ZMYND19: variants seen among roughly 807,000 people sequenced by gnomAD.
The protein encoded by ZMYND19 is zinc finger MYND domain-containing protein 19.
A neutral mutation model predicts 32.0 loss-of-function variants in ZMYND19; 17 were observed. The ratio of observed to expected loss-of-function variants is 0.53; its 90% CI spans 0.36 to 0.80. The LOEUF (loss-of-function observed/expected upper bound fraction) is 0.80. ZMYND19 is among the 30% of genes least tolerant of loss of function. ZMYND19 has a pLI of 0.00. For missense variants in ZMYND19, 250 were observed against 293.6 expected, an observed-to-expected ratio of 0.85 and a Z score of 1.09; for synonymous variants, 124 against 113.6, an observed-to-expected ratio of 1.09 and a Z score of -0.58.
intron 1 of ZMYND19, chr9:137,589,602 G>T (rs1374694393): frequency 1.0e-6 from 1 of 985,346 alleles, no homozygotes; most frequent in East Asian, 1.1e-4. Context: ...GGCCAAGTAA[G>T]AAGAGAAGTC....
Position 137,583,384 on chromosome 9 carries a change from C to T in ZMYND19, c.360-221G>A, listed in dbSNP as rs76381778. Among the ~76,000 whole-genome samples the T allele has an allele frequency of 4.4e-3, 670 of 152,276 alleles. 8 individuals carry two copies. Among genetic ancestry groups the T allele is most frequent in the African/African-American group, 0.015 (626 of 41,556 alleles). ...CGTAAGCATGGCCTCATCTATCACCCTCTCCCCAGCACCTGGGACTGACAG... is the reference window on the plus strand; with the variant it reads ...CGTAAGCATGGCCTCATCTATCACCTTCTCCCCAGCACCTGGGACTGACAG... On this transcript the variant is annotated intron_variant, in intron 4 of 5. Transcript: ENST00000298585.
chr9:137,588,811 T>C, intron 1 of ZMYND19, 93 bp from the exon 2 acceptor site: 1 of 1,461,154 alleles, frequency 6.8e-7, no homozygotes, highest in Admixed American at 1.7e-5. Flanking sequence ...GCCTGTTGCA[T>C]TTTCCTGTGA....
chr9:137,584,290 G>A (rs963615449), intron 4 of ZMYND19, among the ~76,000 whole-genome samples: 1 of 152,248 alleles, frequency 6.6e-6, no homozygotes, highest in Non-Finnish European at 1.5e-5. Context: ...AGGGGGTTGT[G>A]TAAGGCAGCA....
At chr9:137,589,612 C>A in intron 1 of ZMYND19, 1 of 985,452 alleles carries the variant, frequency 1.0e-6, no homozygotes. Context: ...GAAGAGAAGT[C>A]GAGGAAGGCC....
intron 3 of ZMYND19, chr9:137,587,454 C>A: frequency 1.7e-6 from 1 of 594,848 alleles, no homozygotes. Flanking sequence ...CTCGGCAAAA[C>A]CCAGCAAGGG....
intron 2 of ZMYND19, among the ~76,000 whole-genome samples, chr9:137,588,428 C>G (rs1379532866): frequency 6.6e-6 from 1 of 150,490 alleles, no homozygotes; most frequent in East Asian, 1.9e-4. Context: ...GTGAGGAAGA[C>G]CACTGTCGCC....
rs760516989 is a variant in ZMYND19, at chr9:137,587,101, C to T, written c.225G>A (p.Arg75=). ...GRLLHELLWE[R]HRGGVAPGFQ... is the part of the protein sequence containing the mutation. ...AGCCCGGGGCCACGCCCCCCCGGTG[C>T]CGCTCCCTAGAAACAGACAGCAAAC... Residue 75 remains arginine (R), a synonymous_variant, in exon 4 of 6, where the codon CGG becomes CGA. Transcript: ENST00000298585. 1 of 1,604,678 alleles carries T rather than the reference C, an allele frequency of 6.2e-7. No homozygotes were observed. Among genetic ancestry groups the T allele is most frequent in the Admixed American group, 1.7e-5 (1 of 60,006 alleles).
Position 137,582,426 on chromosome 9 carries a change from A to G in ZMYND19, c.*117T>C, listed in dbSNP as rs1245559191. ...CCTGTGACATCGGGAGTCTCACGGC[A>G]GCTGTCCTGGGCCCGCAGCTGGCTT... On this transcript the variant is annotated 3_prime_UTR_variant, in exon 6 of 6. Coordinates refer to ENST00000298585, the MANE Select transcript of ZMYND19 (RefSeq NM_138462.3). 1.1e-5 allele frequency: 16 copies of G among 1,429,578 alleles called. No homozygotes were observed. Among genetic ancestry groups the G allele is most frequent in the Admixed American group, 1.1e-4 (5 of 45,922 alleles). 88.6% of individuals were successfully genotyped at this position (1,429,578 alleles called of 1,614,324 possible).
chr9:137,584,628 A>G (rs1842183768), intron 4 of ZMYND19, among the ~76,000 whole-genome samples: 2 of 152,242 alleles, frequency 1.3e-5, no homozygotes, highest in African/African-American at 4.8e-5. Flanking sequence ...AACACTGAGC[A>G]TGTATCAATG....
intron 4 of ZMYND19, among the ~76,000 whole-genome samples, 173 bp downstream of exon 4, chr9:137,586,794 A>G (rs1467972786): frequency 6.6e-6 from 1 of 152,262 alleles, no homozygotes; most frequent in Admixed American, 6.5e-5. Context: ...TCCCGCTCCC[A>G]TGAAGAAAAG....
At chr9:137,588,112 G>A (rs1348226068) in intron 2 of ZMYND19, among the ~76,000 whole-genome samples, 1 of 152,248 alleles carries the variant, frequency 6.6e-6, no homozygotes, top group East Asian at 1.9e-4. Context: ...AGCCCACGGT[G>A]CAGTGAGATA....
intron 4 of ZMYND19, among the ~76,000 whole-genome samples, chr9:137,584,650 A>G (rs531928969): frequency 2.6e-5 from 4 of 152,310 alleles, no homozygotes; most frequent in Admixed American, 6.5e-5. Context: ...GGGACAACGC[A>G]GGAGGAGATG....
chr9:137,584,148 C>T (rs1245374867), intron 4 of ZMYND19, among the ~76,000 whole-genome samples: 2 of 152,276 alleles, frequency 1.3e-5, no homozygotes, highest in African/African-American at 4.8e-5. Flanking sequence ...GCTCTGACTT[C>T]TGCTCGGGGC....
At chr9:137,587,959 G>A in intron 2 of ZMYND19, 136 bp from the exon 3 acceptor site, 3 of 844,046 alleles carry the variant, frequency 3.6e-6, no homozygotes, top group South Asian at 1.5e-5. Flanking sequence ...ACCCTGGGGA[G>A]TGCAGAGCTT....
chr9:137,587,602 T>G, intron 3 of ZMYND19, 115 bp downstream of exon 3: 1 of 872,042 alleles, frequency 1.1e-6, no homozygotes, highest in Non-Finnish European at 1.9e-6. Context: ...AACTGCGAGA[T>G]TCAGGGAAGG....
At chr9:137,585,582 C>G (rs556594330) in intron 4 of ZMYND19, among the ~76,000 whole-genome samples, 2 of 152,240 alleles carry the variant, frequency 1.3e-5, no homozygotes, top group East Asian at 3.9e-4. Context: ...AAAGACACTT[C>G]AGGCTCTGCC....
At chr9:137,585,710 TCAC>T (rs1413915617) in intron 4 of ZMYND19, among the ~76,000 whole-genome samples, 5 of 152,100 alleles carry the variant, frequency 3.3e-5, no homozygotes, top group Admixed American at 1.3e-4. Flanking sequence ...TGTCCCCACA[TCAC>T]CAACCAGTGT....
rs565174271 is a variant in ZMYND19 at position 137,589,049 on chromosome 9, C to G, written c.52-331G>C. The G allele has an allele frequency of 1.4e-4, 41 of 284,854 alleles. No individual in the cohort carries two copies. The East Asian group carries it at 2.8e-3, about 19-fold the overall frequency. 17.6% of individuals were successfully genotyped at this position (284,854 alleles called of 1,614,324 possible). A position where few individuals can be genotyped will look rare whatever the true frequency, so the allele number is the denominator to read the frequency against. On this transcript the variant is annotated intron_variant, in intron 1 of 5. Transcript: ENST00000298585. ...ACGCACCAATAAACCTAGGCAAAGACTGTTTCACTGAGCTGAGGGAGGGGC... is the reference window on the plus strand; with the variant it reads ...ACGCACCAATAAACCTAGGCAAAGAGTGTTTCACTGAGCTGAGGGAGGGGC...
Position 137,583,077 on chromosome 9 carries a change from T to C in ZMYND19, c.446A>G (p.Tyr149Cys). Residue 149 changes from tyrosine to cysteine, a missense_variant, in exon 5 of 6, where the codon TAT (tyrosine) becomes TGT (cysteine). Around this residue, in one of 2 missense-constraint regions of ZMYND19, gnomAD observed 212 missense variants for 218.8 expected, o/e 0.97. Transcript: ENST00000298585. ...CACTACATCCCCGTTGGCATTATAA[T>C]ACCGGGTCACATTTAGGACAGGAAA... ...EQFPVLNVTR[Y>C]YNANGDVVEE... 6.2e-7 allele frequency: 1 copy of C among 1,614,210 alleles called. No individual in the cohort carries two copies. Among genetic ancestry groups the C allele is most frequent in the Admixed American group, 1.7e-5 (1 of 60,032 alleles).
Sources: gnomAD v4.1 joint callset for allele counts (sites outside exome capture counted in the v4.1 genomes callset) on GRCh38, gnomAD v4.1.1 for gene constraint, gnomAD v4.1.1 regional missense constraint, MANE v1.5 for transcripts, NCBI Gene and HGNC (gene_info 2026-07-23, HGNC 2026-07-21) for gene names.